Variants in SOD2 observed in about 807,000 individuals in gnomAD.
The protein encoded by SOD2 is superoxide dismutase 2, also known as superoxide dismutase [Mn], mitochondrial.
A neutral mutation model predicts 27.0 loss-of-function variants in SOD2; 11 were observed. The ratio of observed to expected loss-of-function variants is 0.41; its 90% CI spans 0.26 to 0.67. SOD2 has a LOEUF of 0.67. Ranked by LOEUF, SOD2 falls within the 30% of genes least tolerant of loss-of-function variation. The pLI is 0.34. For missense variants in SOD2, 250 were observed against 274.5 expected (o/e 0.91, Z 0.63); for synonymous variants, 105 against 103.0 (o/e 1.02, Z -0.12).
chr6:159,743,283 G>T (rs945294892), intron 1 of SOD2, among the ~76,000 whole-genome samples: 2 of 152,212 alleles, frequency 1.3e-5, no homozygotes, highest in Admixed American at 6.5e-5. Context: ...CTGACCTCAG[G>T]TGATCTACCT....
At chr6:159,707,954 C>A (rs1308580328) in intron 1 of SOD2, among the ~76,000 whole-genome samples, 1 of 152,160 alleles carries the variant, frequency 6.6e-6, no homozygotes, top group African/African-American at 2.4e-5. Flanking sequence ...GGATGCAAGG[C>A]TGGTTCAACA....
intron 2 of SOD2, among the ~76,000 whole-genome samples, chr6:159,690,522 C>G (rs182313578): frequency 3.9e-4 from 60 of 152,134 alleles, no homozygotes; most frequent in African/African-American, 1.4e-3. Flanking sequence ...TTTAGCGATT[C>G]AGAAAGGAGA....
At chr6:159,755,181 C>G (rs757076462) in intron 1 of SOD2, 3 of 1,614,026 alleles carry the variant, frequency 1.9e-6, no homozygotes, top group African/African-American at 1.3e-5. Flanking sequence ...ACCAGCAGGA[C>G]TACAGCTTCT....
chr6:159,748,772 A>C, upstream of SOD2: 1 of 1,234,928 alleles, frequency 8.1e-7, no homozygotes, highest in Non-Finnish European at 1.0e-6. This position sits in a 1 kb window ranked among gnomAD's most constrained non-coding sequence, Gnocchi z 5.6. Context: ...AGAGATTTTA[A>C]ATCATGAATT....
intron 1 of SOD2, among the ~76,000 whole-genome samples, chr6:159,736,985 A>G (rs188546183): frequency 6.6e-6 from 1 of 152,354 alleles, no homozygotes; most frequent in African/African-American, 2.4e-5. Context: ...TACTCATTAA[A>G]TGAATAAAGG....
intron 1 of SOD2, among the ~76,000 whole-genome samples, chr6:159,721,391 G>A (rs773204867): frequency 1.6e-4 from 23 of 144,480 alleles, no homozygotes; most frequent in Non-Finnish European, 2.7e-4. Flanking sequence ...TTTTTGAGAC[G>A]GAGTTTTGCT....
At chr6:159,685,643 C>A (rs1053097670) in intron 3 of SOD2, among the ~76,000 whole-genome samples, 1 of 151,060 alleles carries the variant, frequency 6.6e-6, no homozygotes, top group Non-Finnish European at 1.5e-5. Context: ...ACCCAGGTAG[C>A]GAGCTTAGTA....
chr6:159,689,500 G>T (rs1250879694), intron 2 of SOD2, among the ~76,000 whole-genome samples: 3 of 152,022 alleles, frequency 2.0e-5, no homozygotes, highest in Non-Finnish European at 4.4e-5. Context: ...ATTAATATTA[G>T]AAAAAAATGG....
chr6:159,720,567 A>T (rs1011564405), intron 1 of SOD2: 1 of 152,514 alleles, frequency 6.6e-6, no homozygotes, highest in Non-Finnish European at 1.5e-5. Flanking sequence ...TCACGCGTTG[A>T]TATTTCATTT....
chr6:159,707,707 A>G (rs1220966135), intron 1 of SOD2, among the ~76,000 whole-genome samples: 1 of 152,210 alleles, frequency 6.6e-6, no homozygotes, highest in African/African-American at 2.4e-5. Context: ...AGCTGGTACC[A>G]TTCCTTCTGA....
chr6:159,678,045 G>A lies in SOD2; in HGVS notation c.*4448C>T, dbSNP rs1258689701. The A allele has an allele frequency of 1.3e-5, 2 of 152,132 alleles. No homozygotes were observed. The highest frequency in any genetic ancestry group is 4.8e-5 in the African/African-American group (2 of 41,426). The allele number at this position is 152,132 out of a possible 1,614,324, so 9.4% of individuals were successfully genotyped here. The stretch of plus-strand genomic sequence containing the variant: ...AGAAAGGGGAGAGAGGCTGAAGGTT[G>A]AGTTAATCGCCAATTGCCAATGGTA... On this transcript the variant is annotated 3_prime_UTR_variant, in exon 5 of 5. Transcript: ENST00000538183.
At chr6:159,712,335 T>G (rs1277861161) in intron 1 of SOD2, among the ~76,000 whole-genome samples, 2 of 142,678 alleles carry the variant, frequency 1.4e-5, no homozygotes, top group East Asian at 4.2e-4. Flanking sequence ...CTGATCACCC[T>G]AACCACCTCC....
chr6:159,759,412 C>T (rs1243535150), intron 1 of SOD2, among the ~76,000 whole-genome samples: 3 of 149,892 alleles, frequency 2.0e-5, no homozygotes, highest in South Asian at 2.1e-4. Flanking sequence ...TGGCTCACGC[C>T]TGTAATCCCA....
At chr6:159,731,609 C>T (rs112099965), upstream of SOD2, among the ~76,000 whole-genome samples, 5 of 152,314 alleles carry the variant, frequency 3.3e-5, no homozygotes, top group African/African-American at 1.2e-4. Context: ...TGGATTATCT[C>T]TTCAGGTTTT....
In SOD2 at chr6:159,677,124, A is replaced by G. The variant is rs999465059; in HGVS notation, c.*5369T>C. The G allele has an allele frequency of 2.0e-5, 3 of 152,172 alleles. No homozygotes were observed. The highest frequency in any genetic ancestry group is 4.4e-5 in the Non-Finnish European group (3 of 68,028). 9.4% of individuals were successfully genotyped at this position (152,172 alleles called of 1,614,324 possible). A position where few individuals can be genotyped will look rare whatever the true frequency, so the allele number is the denominator to read the frequency against. On this transcript the variant is annotated 3_prime_UTR_variant, in exon 5 of 5. Coordinates refer to ENST00000538183, the MANE Select transcript of SOD2 (RefSeq NM_000636.4). ...AGACGCACAAATGAACAAGAACCTCATGTCCTGGGACTTCATGGAGCACAA... is the reference window on the plus strand; with the variant it reads ...AGACGCACAAATGAACAAGAACCTCGTGTCCTGGGACTTCATGGAGCACAA...
At chr6:159,705,436 G>A (rs1366262581) in intron 1 of SOD2, among the ~76,000 whole-genome samples, 1 of 152,202 alleles carries the variant, frequency 6.6e-6, no homozygotes, top group Admixed American at 6.5e-5. Flanking sequence ...AGGACCTGAT[G>A]GAGCTGAAAA....
intron 1 of SOD2, among the ~76,000 whole-genome samples, chr6:159,699,109 A>G (rs1048720544): frequency 1.2e-4 from 18 of 152,010 alleles, no homozygotes; most frequent in Non-Finnish European, 1.9e-4. Flanking sequence ...AATTGGGCCC[A>G]GCCTTATCTA....
chr6:159,755,458 A>G, intron 1 of SOD2: 1 of 1,614,068 alleles, frequency 6.2e-7, no homozygotes, highest in South Asian at 1.1e-5. Context: ...CGGGCAGTGA[A>G]AACTCTCTCA....
At chr6:159,724,850 C>T (rs1320618447) in intron 1 of SOD2, among the ~76,000 whole-genome samples, 1 of 113,224 alleles carries the variant, frequency 8.8e-6, no homozygotes, top group Non-Finnish European at 1.7e-5. Flanking sequence ...AGACCCTGTT[C>T]TCAAAAAAGA....
Sources: gnomAD v4.1 joint callset for allele counts (sites outside exome capture counted in the v4.1 genomes callset) on GRCh38, gnomAD v4.1.1 for gene constraint, Gnocchi (gnomAD v3.1) non-coding constraint, MANE v1.5 for transcripts, NCBI Gene and HGNC (gene_info 2026-07-23, HGNC 2026-07-21) for gene names.